ANKRD17: variants seen among roughly 807,000 people sequenced by gnomAD.
ANKRD17 encodes the protein ankyrin repeat domain 17, also known as ankyrin repeat domain-containing protein 17.
In ANKRD17, 19 loss-of-function variants were observed where a neutral mutation model predicts 229.7. That is an observed-to-expected ratio of 0.08 (90% CI 0.06 to 0.12). The LOEUF (loss-of-function observed/expected upper bound fraction) is 0.12, where lower values mean the gene tolerates loss of function less well. ANKRD17 is among the 10% of genes least tolerant of loss of function. The probability of loss-of-function intolerance (pLI) is 1.00; values close to 1 mark genes in which losing one functional copy is unlikely to be tolerated. For missense variants in ANKRD17, 2,176 were observed against 3,176.8 expected (o/e 0.68, Z 7.57); for synonymous variants, 1,112 against 1,146.1 (o/e 0.97, Z 0.60).
intron 1 of ANKRD17, among the ~76,000 whole-genome samples, chr4:73,250,615 A>AAAAC (rs1744925705): frequency 7.2e-6 from 1 of 138,386 alleles, no homozygotes; most frequent in Admixed American, 7.4e-5. Context: ...AAAAAAAAAA[A>AAAAC]CAGAAAAAAA....
At chr4:73,110,979 C>T (rs535547311) in intron 24 of ANKRD17, among the ~76,000 whole-genome samples, 23 of 152,180 alleles carry the variant, frequency 1.5e-4, no homozygotes, top group Middle Eastern at 3.4e-3. Flanking sequence ...GGTTAAATAA[C>T]GCTGGCAAGA....
chr4:73,145,713 C>A (rs1444701049), intron 10 of ANKRD17, among the ~76,000 whole-genome samples: 1 of 152,018 alleles, frequency 6.6e-6, no homozygotes, highest in Middle Eastern at 3.2e-3. Flanking sequence ...AGCTCTAAGT[C>A]TAACAAGCTC....
At chr4:73,215,898 G>A (rs1740964039) in intron 1 of ANKRD17, among the ~76,000 whole-genome samples, 1 of 152,094 alleles carries the variant, frequency 6.6e-6, no homozygotes, top group African/African-American at 2.4e-5. Context: ...TATCACAATA[G>A]ACTGAATATG....
chr4:73,197,381 G>A (rs1364266277), intron 1 of ANKRD17, among the ~76,000 whole-genome samples: 3 of 152,130 alleles, frequency 2.0e-5, no homozygotes, highest in Non-Finnish European at 4.4e-5. Flanking sequence ...ATAGTTTAGG[G>A]AGAAAACAGA....
intron 2 of ANKRD17, among the ~76,000 whole-genome samples, chr4:73,162,120 A>T (rs1394618558): frequency 1.3e-5 from 2 of 150,392 alleles, no homozygotes; most frequent in Admixed American, 1.3e-4. Flanking sequence ...CCACGATTAC[A>T]GTTTACTGCA....
chr4:73,241,027 T>C (rs1743981827), intron 1 of ANKRD17, among the ~76,000 whole-genome samples: 1 of 151,990 alleles, frequency 6.6e-6, no homozygotes, highest in Admixed American at 6.6e-5. Flanking sequence ...CCCAGGCTGG[T>C]CTTGAACTCC....
intron 29 of ANKRD17, among the ~76,000 whole-genome samples, chr4:73,090,018 C>T (rs182759007): frequency 6.4e-4 from 97 of 152,098 alleles, no homozygotes; most frequent in East Asian, 5.8e-4. Flanking sequence ...CGAAATGAAA[C>T]CCAATTTTTT....
rs1730047627 is a variant in ANKRD17, at chr4:73,144,818, T to C, written c.1884A>G (p.Glu628=). ...CTTTCATTAAAGGAGTTCTTCCACC[T>C]TCAGATTCATGTTCCTGTTTAAAAA... ...QAGADLEHES[E]GGRTPLMKAA... Residue 628 remains glutamate, a synonymous_variant, in exon 11 of 34, where the codon GAA becomes GAG. Transcript: ENST00000358602. 6.3e-7 allele frequency: 1 copy of C among 1,598,858 alleles called. No individual in the cohort carries two copies. Among genetic ancestry groups the C allele is most frequent in the African/African-American group, 1.4e-5 (1 of 73,932 alleles).
chr4:73,172,105 A>G (rs574515113), intron 2 of ANKRD17, among the ~76,000 whole-genome samples: 5 of 152,294 alleles, frequency 3.3e-5, no homozygotes, highest in Admixed American at 1.3e-4. Context: ...TAACCCAAAG[A>G]AGACTACCCC....
rs541592729 is a variant in ANKRD17, at chr4:73,217,810, G to A, written c.394-40277C>T. On this transcript the variant is annotated intron_variant, in intron 1 of 33. Coordinates refer to ENST00000358602, the MANE Select transcript of ANKRD17 (RefSeq NM_032217.5). ...GCATAAAACTACATTCGGACTATGT[G>A]TATAAGGTATATATAAAACATAAGT... is the stretch of plus-strand genomic sequence containing the variant. Among the ~76,000 whole-genome samples the A allele has an allele frequency of 7.9e-5, 12 of 152,296 alleles. No homozygotes were observed. The South Asian group carries it at 2.5e-3, about 32-fold the overall frequency.
At chr4:73,132,478 CA>C (rs1230609874) in intron 16 of ANKRD17, among the ~76,000 whole-genome samples, 1 of 152,016 alleles carries the variant, frequency 6.6e-6, no homozygotes, top group Non-Finnish European at 1.5e-5. Context: ...TATTTTTGAA[CA>C]GTATTTTTTT....
In ANKRD17 at chr4:73,091,114, T is replaced by C. The variant is rs776799264; in HGVS notation, c.6514A>G (p.Lys2172Glu). ...GGTCTAATAGCAGGGGTTTCCATTTTAGGAGTAGGCTGGGGGCATCCCATT... is the reference window on the plus strand; with the variant it reads ...GGTCTAATAGCAGGGGTTTCCATTTCAGGAGTAGGCTGGGGGCATCCCATT... ...TPMGCPQPTPKMETPAIRPPP... is the reference protein window; with the variant it reads ...TPMGCPQPTPEMETPAIRPPP... Residue 2172 changes from lysine (K) to glutamate (E), a missense_variant, in exon 29 of 34, where the codon AAA (lysine) becomes GAA (glutamate). Lys to Glu is a moderately conservative substitution (Grantham distance 56). This residue lies in a region of ANKRD17 where 424 missense variants were observed against 454.0 expected (regional missense o/e 0.93). Transcript: ENST00000358602. 8 of 1,614,082 alleles carry C rather than the reference T, an allele frequency of 5.0e-6. No homozygotes were observed. Among genetic ancestry groups the C allele is most frequent in the Non-Finnish European group, 6.8e-6 (8 of 1,180,052 alleles).
intron 1 of ANKRD17, among the ~76,000 whole-genome samples, chr4:73,241,472 G>A (rs1036209979): frequency 1.3e-5 from 2 of 152,098 alleles, no homozygotes; most frequent in Non-Finnish European, 2.9e-5. Flanking sequence ...CTCGAGAATA[G>A]TATATTAACT....
rs1234362710 is a variant in ANKRD17 at position 73,076,265 on chromosome 4, T to C, written c.7778A>G (p.His2593Arg). 2.5e-6 allele frequency: 4 copies of C among 1,611,648 alleles called. No homozygotes were observed. The African/African-American group carries it at 4.0e-5, about 16-fold the overall frequency. ...QTVWTGPWAPHMNSVHMNQLG is the reference protein window; with the variant it reads ...QTVWTGPWAPRMNSVHMNQLG ...CTGGTTCATATGCACACTGTTCATG[T>C]GAGGTGCCCAGGGTCCAGTCCACAC... Residue 2593 changes from histidine to arginine, a missense_variant, in exon 34 of 34, where the codon CAC becomes CGC. Transcript: ENST00000358602.
rs1025755020 is a variant in ANKRD17 at position 73,141,262 on chromosome 4, G to A, written c.2332+479C>T. On this transcript the variant is annotated intron_variant, in intron 14 of 33. Coordinates refer to ENST00000358602, the MANE Select transcript of ANKRD17 (RefSeq NM_032217.5). ...GTCAAATATGGACCTCAGAATTCTA[G>A]AGAAATAAACAAGCATATCTCAAGT... 8.5e-5 allele frequency among the ~76,000 whole-genome samples: 13 copies of A among 152,282 alleles called. No individual in the cohort carries two copies. In the South Asian group the frequency reaches 1.2e-3, roughly 15 times the overall value.
chr4:73,166,589 G>A (rs1218108299), intron 2 of ANKRD17, among the ~76,000 whole-genome samples: 1 of 152,126 alleles, frequency 6.6e-6, no homozygotes, highest in Non-Finnish European at 1.5e-5. Context: ...CAGTGCCTAT[G>A]TGATACATAA....
intron 18 of ANKRD17, 26 bp from the exon 19 acceptor site, chr4:73,121,785 G>A: frequency 6.4e-7 from 1 of 1,565,038 alleles, no homozygotes; most frequent in Non-Finnish European, 8.6e-7. Flanking sequence ...AAAAAAATAT[G>A]TTTTCTTATG....
At chr4:73,131,123 A>G (rs1048412019) in intron 16 of ANKRD17, among the ~76,000 whole-genome samples, 2 of 152,226 alleles carry the variant, frequency 1.3e-5, no homozygotes, top group African/African-American at 2.4e-5. Flanking sequence ...AGATTTTGAT[A>G]GCAGCAAAGT....
chr4:73,110,734 G>GA (rs1944484560), intron 24 of ANKRD17, among the ~76,000 whole-genome samples: 1 of 152,004 alleles, frequency 6.6e-6, no homozygotes, highest in African/African-American at 2.4e-5. Flanking sequence ...TGTAGTTCAG[G>GA]AAAAAAGTGG....
Sources: gnomAD v4.1 joint callset for allele counts (sites outside exome capture counted in the v4.1 genomes callset) on GRCh38, gnomAD v4.1.1 for gene constraint, gnomAD v4.1.1 regional missense constraint, MANE v1.5 for transcripts, NCBI Gene and HGNC (gene_info 2026-07-23, HGNC 2026-07-21) for gene names.